The following CDH13 variants were observed in gnomAD, a reference collection of about 807,000 sequenced individuals.
CDH13 encodes cadherin 13, also known as cadherin-13.
A neutral mutation model predicts 63.8 loss-of-function variants in CDH13; 24 were observed. The ratio of observed to expected loss-of-function variants is 0.38; its 90% CI spans 0.27 to 0.53. CDH13 has a LOEUF of 0.53. CDH13 is among the 20% of genes least tolerant of loss of function. The probability of loss-of-function intolerance (pLI) is 0.85; values close to 1 mark genes in which losing one functional copy is unlikely to be tolerated. For synonymous variants in CDH13, 503 were observed against 355.3 expected, an observed-to-expected ratio of 1.42 and a Z score of -4.67; for missense variants, 1,049 against 903.1, an observed-to-expected ratio of 1.16 and a Z score of -2.07.
intron 10 of CDH13, among the ~76,000 whole-genome samples, chr16:83,734,936 C>G (rs2097987894): frequency 6.7e-6 from 1 of 148,376 alleles, no homozygotes; most frequent in Non-Finnish European, 1.5e-5. Flanking sequence ...GAAAGGAACT[C>G]AGATAAGACA....
At chr16:83,376,056 G>A (rs2091454727) in intron 6 of CDH13, among the ~76,000 whole-genome samples, 2 of 152,178 alleles carry the variant, frequency 1.3e-5, no homozygotes, top group African/African-American at 4.8e-5. Context: ...ACTGTATTGT[G>A]AAGAATCTTT....
At chr16:83,166,567 A>C (rs1244741195) in intron 4 of CDH13, among the ~76,000 whole-genome samples, 1 of 152,136 alleles carries the variant, frequency 6.6e-6, no homozygotes, top group Non-Finnish European at 1.5e-5. Flanking sequence ...TTCCATTGAC[A>C]TGCCATTTGA....
At chr16:83,063,474 C>T (rs548055542) in intron 3 of CDH13, among the ~76,000 whole-genome samples, 89 of 152,186 alleles carry the variant, frequency 5.8e-4, no homozygotes, top group Admixed American at 2.0e-3. Context: ...CAAACCACCC[C>T]GCAGAGAGAA....
In CDH13 at chr16:82,650,648, C is replaced by T. The variant is rs140220653; in HGVS notation, c.45+23511C>T. ...TCTTTGGTTGGCTCTCCTCCCACAT[C>T]CCCCTACCTCTCTAGCCTTGGTTTC... is the stretch of plus-strand genomic sequence containing the variant. On this transcript the variant is annotated intron_variant, in intron 1 of 13. Coordinates refer to ENST00000567109, the MANE Select transcript of CDH13 (RefSeq NM_001257.5). Among the ~76,000 whole-genome samples, 142 of 152,274 alleles carry T rather than the reference C, an allele frequency of 9.3e-4. 1 individual carries two copies. In the East Asian group the frequency reaches 0.024, roughly 26 times the overall value.
chr16:83,532,266 G>A (rs1381867065), intron 7 of CDH13, among the ~76,000 whole-genome samples: 1 of 152,250 alleles, frequency 6.6e-6, no homozygotes, highest in African/African-American at 2.4e-5. Context: ...ACTAGTACAA[G>A]CTCATACAGT....
intron 6 of CDH13, among the ~76,000 whole-genome samples, chr16:83,380,632 G>T (rs2091547174): frequency 1.3e-5 from 2 of 152,174 alleles, no homozygotes; most frequent in African/African-American, 4.8e-5. Flanking sequence ...TCAGCACGTA[G>T]ATTCTGCCCT....
At chr16:83,297,737 G>A (rs960844246) in intron 5 of CDH13, among the ~76,000 whole-genome samples, 3 of 151,976 alleles carry the variant, frequency 2.0e-5, no homozygotes, top group Admixed American at 6.6e-5. Flanking sequence ...GCACATAGAT[G>A]GTTAATATAT....
chr16:82,642,053 G>A (rs566847754), intron 1 of CDH13, among the ~76,000 whole-genome samples: 16 of 147,876 alleles, frequency 1.1e-4, no homozygotes, highest in Admixed American at 4.2e-4. Context: ...ACCCCTATGC[G>A]GTTTATTTTT....
chr16:82,723,444 A>G (rs2032903752), intron 1 of CDH13, among the ~76,000 whole-genome samples: 1 of 152,084 alleles, frequency 6.6e-6, no homozygotes, highest in African/African-American at 2.4e-5. Flanking sequence ...GTTCTCTGTG[A>G]CTGGATTCTG....
chr16:83,031,278 A>G (rs534978929), intron 2 of CDH13, among the ~76,000 whole-genome samples: 49 of 145,666 alleles, frequency 3.4e-4, no homozygotes, highest in African/African-American at 1.1e-3. Flanking sequence ...GCGCATGTAT[A>G]CACCATATAC....
intron 4 of CDH13, among the ~76,000 whole-genome samples, chr16:83,153,970 A>G (rs1226072195): frequency 3.3e-5 from 5 of 152,208 alleles, no homozygotes; most frequent in African/African-American, 1.2e-4. Flanking sequence ...TCACTCAACT[A>G]AGACTGTAAA....
At chr16:82,656,590 A>G (rs1226693034) in intron 1 of CDH13, among the ~76,000 whole-genome samples, 1 of 152,108 alleles carries the variant, frequency 6.6e-6, no homozygotes, top group Non-Finnish European at 1.5e-5. Context: ...TTATCACTCA[A>G]AGTTCACAGT....
intron 1 of CDH13, among the ~76,000 whole-genome samples, chr16:82,681,651 G>T (rs1353382122): frequency 1.3e-5 from 2 of 152,166 alleles, no homozygotes; most frequent in Admixed American, 1.3e-4. Flanking sequence ...TGGTGCCCCC[G>T]TTGCATTCCC....
chr16:83,347,004 G>A (rs1043438580), intron 6 of CDH13, among the ~76,000 whole-genome samples: 1 of 152,120 alleles, frequency 6.6e-6, no homozygotes, highest in Non-Finnish European at 1.5e-5. Flanking sequence ...GGACTATAAA[G>A]CACGCAGTGA....
chr16:83,440,553 G>A (rs772754331), intron 6 of CDH13, among the ~76,000 whole-genome samples: 2 of 152,160 alleles, frequency 1.3e-5, no homozygotes, highest in African/African-American at 2.4e-5. Context: ...GCCAAGGCAG[G>A]CAGATCTCTT....
chr16:82,693,684 C>G (rs546187209), intron 1 of CDH13, among the ~76,000 whole-genome samples: 1 of 152,284 alleles, frequency 6.6e-6, no homozygotes, highest in South Asian at 2.1e-4. Flanking sequence ...GTGCACCCTG[C>G]CACATGTTAA....
intron 10 of CDH13, chr16:83,735,256 C>A (rs753973058): frequency 6.6e-6 from 1 of 152,126 alleles, no homozygotes; most frequent in Admixed American, 6.5e-5. Flanking sequence ...CCTAACCATT[C>A]GAGGGCTTTG....
At chr16:83,249,237 C>A (rs1353055224) in intron 5 of CDH13, among the ~76,000 whole-genome samples, 1 of 152,088 alleles carries the variant, frequency 6.6e-6, no homozygotes, top group Non-Finnish European at 1.5e-5. Context: ...ACCCTCTAAC[C>A]CAGTGGTTGG....
chr16:83,421,844 G>T (rs1272217511), intron 6 of CDH13, among the ~76,000 whole-genome samples: 1 of 152,174 alleles, frequency 6.6e-6, no homozygotes, highest in African/African-American at 2.4e-5. Context: ...TCCATAATTA[G>T]TTCTTTTGAA....
Sources: gnomAD v4.1 joint callset for allele counts (sites outside exome capture counted in the v4.1 genomes callset) on GRCh38, gnomAD v4.1.1 for gene constraint, MANE v1.5 for transcripts, NCBI Gene and HGNC (gene_info 2026-07-23, HGNC 2026-07-21) for gene names.